Variants in JADE2 observed in about 807,000 individuals in gnomAD.
JADE2 encodes the protein jade family PHD finger 2, also known as E3 ubiquitin-protein ligase Jade-2.
JADE2 carries 13 observed loss-of-function variants against 85.7 expected under a neutral mutation model. The observed-to-expected ratio is 0.15, with a 90% CI of 0.10 to 0.24. JADE2 has a LOEUF of 0.24. JADE2 is among the 10% of genes least tolerant of loss of function. The pLI, the probability that JADE2 is intolerant of heterozygous loss-of-function variation, is 1.00. For synonymous variants in JADE2, 440 were observed against 456.1 expected, an observed-to-expected ratio of 0.96 and a Z score of 0.45; for missense variants, 846 against 1,115.9, an observed-to-expected ratio of 0.76 and a Z score of 3.45.
At position 134,578,069 on chromosome 5, in the gene JADE2, C is replaced by A. The variant is rs141955275; in HGVS notation, c.1682-425C>A. On this transcript the variant is annotated intron_variant, in intron 11 of 11. Coordinates refer to ENST00000681547, the MANE Select transcript of JADE2 (RefSeq NM_001388185.1). The surrounding 1 kb of genome is among the most constrained non-coding windows in gnomAD (Gnocchi z 4.4). ...TTCGTGGGTAGCAACCTGTGCAGTG[C>A]CACGGGGTCCTTGTTCTTGGTTAAT... 2.5e-3 allele frequency among the ~76,000 whole-genome samples: 378 copies of A among 152,318 alleles called. 1 individual carries two copies. The highest frequency in any genetic ancestry group is 8.6e-3 in the African/African-American group (357 of 41,582).
intron 8 of JADE2, among the ~76,000 whole-genome samples, chr5:134,565,025 G>C (rs185850876): frequency 6.6e-6 from 1 of 152,326 alleles, no homozygotes; most frequent in Non-Finnish European, 1.5e-5. Context: ...CTTTAGCAAA[G>C]CCTATTCCCA....
chr5:134,551,211 T>C (rs1407335203), intron 3 of JADE2, among the ~76,000 whole-genome samples: 2 of 71,560 alleles, frequency 2.8e-5, no homozygotes, highest in African/African-American at 7.7e-5. Context: ...CAGTATTTTT[T>C]ATTTTATTTT....
chr5:134,558,477 A>C (rs923953474), intron 4 of JADE2, among the ~76,000 whole-genome samples: 1 of 151,492 alleles, frequency 6.6e-6, no homozygotes, highest in Non-Finnish European at 1.5e-5. Flanking sequence ...CCTGAATGGT[A>C]ATGCCTAGGT....
At chr5:134,561,512 C>A (rs1281915748) in intron 6 of JADE2, among the ~76,000 whole-genome samples, 1 of 151,834 alleles carries the variant, frequency 6.6e-6, no homozygotes, top group Admixed American at 6.6e-5. Flanking sequence ...GCAGCCTGGC[C>A]AGGCTCCCCT....
chr5:134,538,048 G>A lies in JADE2; in HGVS notation c.118G>A (p.Gly40Ser). 1 of 1,614,158 alleles carries A rather than the reference G, an allele frequency of 6.2e-7. No homozygotes were observed. The highest frequency in any genetic ancestry group is 8.5e-7 in the Non-Finnish European group (1 of 1,180,018). ...CAAACTGCCCAGCAGCACCAAGTCGGGCTGGCCCCGACAGAACGAAAAGAA... is the reference window on the plus strand; with the variant it reads ...CAAACTGCCCAGCAGCACCAAGTCGAGCTGGCCCCGACAGAACGAAAAGAA... ...CSKLPSSTKSGWPRQNEKKPS... is the reference protein window; with the variant it reads ...CSKLPSSTKSSWPRQNEKKPS... Residue 40 changes from glycine (G) to serine (S), a missense_variant, in exon 3 of 12, where the codon GGC becomes AGC. This residue lies in a region of JADE2 where 44 missense variants were observed against 92.0 expected (regional missense o/e 0.48). Coordinates refer to ENST00000681547, the MANE Select transcript of JADE2 (RefSeq NM_001388185.1).
At chr5:134,560,640 C>A in intron 5 of JADE2, 106 bp from the exon 6 acceptor site, 1 of 946,540 alleles carries the variant, frequency 1.1e-6, no homozygotes, top group Middle Eastern at 3.4e-4. Flanking sequence ...AGAAACCCTC[C>A]CAGACATCTG....
intron 3 of JADE2, among the ~76,000 whole-genome samples, chr5:134,538,822 TTGGAGAGA>T (rs1303882792): frequency 5.3e-5 from 8 of 151,522 alleles, no homozygotes; most frequent in South Asian, 2.1e-4. Flanking sequence ...CTGCAGAAGC[TTGGAGAGA>T]TGGAGAGATG....
intron 4 of JADE2, among the ~76,000 whole-genome samples, chr5:134,555,781 G>A: frequency 6.6e-6 from 1 of 152,238 alleles, no homozygotes; most frequent in East Asian, 1.9e-4. Flanking sequence ...ATGGGGAAAG[G>A]CAGAATTGTG....
chr5:134,569,693 C>T (rs1763874036), intron 9 of JADE2, among the ~76,000 whole-genome samples: 1 of 152,158 alleles, frequency 6.6e-6, no homozygotes, highest in African/African-American at 2.4e-5. Context: ...AGACACACAC[C>T]TGCCCAGAGG....
At chr5:134,553,643 C>T (rs1561743492) in intron 4 of JADE2, among the ~76,000 whole-genome samples, 6 of 152,230 alleles carry the variant, frequency 3.9e-5, no homozygotes, top group Admixed American at 2.6e-4. Flanking sequence ...TGAGCCACTG[C>T]GCCCGGCCGT....
At chr5:134,536,040 T>C in intron 2 of JADE2, 125 bp downstream of exon 2, 1 of 833,520 alleles carries the variant, frequency 1.2e-6, no homozygotes, top group South Asian at 1.5e-5. Context: ...GATGAAAGCA[T>C]AAATCAAGTC....
At chr5:134,555,033 C>G (rs756689993) in intron 4 of JADE2, among the ~76,000 whole-genome samples, 2 of 152,188 alleles carry the variant, frequency 1.3e-5, no homozygotes, top group Non-Finnish European at 2.9e-5. Flanking sequence ...TCAAAGGCCC[C>G]GAGAACAAGC....
chr5:134,577,044 C>A, intron 11 of JADE2, 148 bp downstream of exon 11: 1 of 828,752 alleles, frequency 1.2e-6, no homozygotes, highest in Non-Finnish European at 1.8e-6. Context: ...CCCAGGTGCA[C>A]ACACCTTCCA....
At chr5:134,561,519 C>G (rs1330271508) in intron 6 of JADE2, among the ~76,000 whole-genome samples, 1 of 150,574 alleles carries the variant, frequency 6.6e-6, no homozygotes, top group Non-Finnish European at 1.5e-5. Flanking sequence ...GGCCAGGCTC[C>G]CCTTGGTTTG....
chr5:134,544,189 T>A (rs1306903357), intron 3 of JADE2, among the ~76,000 whole-genome samples: 3 of 152,144 alleles, frequency 2.0e-5, no homozygotes, highest in African/African-American at 7.2e-5. Context: ...GAGGCCTGGG[T>A]CTCTGGACCG....
chr5:134,573,777 C>T lies in JADE2; in HGVS notation c.1552+15C>T, dbSNP rs778647139. 2 of 1,454,232 alleles carry T rather than the reference C, an allele frequency of 1.4e-6. No individual in the cohort carries two copies. Among genetic ancestry groups the T allele is most frequent in the South Asian group, 2.3e-5 (2 of 88,130 alleles). 90.1% of individuals were successfully genotyped at this position (1,454,232 alleles called of 1,614,324 possible). A position where few individuals can be genotyped will look rare whatever the true frequency, so the allele number is the denominator to read the frequency against. ...TCTGTGTCGAGGTAGGCGCCTTCCC[C>T]ACCTGCCGCCGCCACCTCCCTGTGC... is the stretch of plus-strand genomic sequence containing the variant. On this transcript the variant is annotated intron_variant, in intron 10 of 11. Coordinates refer to ENST00000681547, the MANE Select transcript of JADE2 (RefSeq NM_001388185.1).
Position 134,579,259 on chromosome 5 carries a change from G to A in JADE2, c.2447G>A (p.Arg816Gln), listed in dbSNP as rs560524571. ...DVEAEDGGVQ[R>Q]GPREAGAEEV... ...GAGGCCGAGGACGGTGGGGTGCAGC[G>A]GGGTCCCCGGGAGGCAGGGGCAGAG... Residue 816 changes from arginine to glutamine, a missense_variant, in exon 12 of 12, where the codon CGG becomes CAG. Around this residue, in one of 9 missense-constraint regions of JADE2, gnomAD observed 300 missense variants for 300.7 expected, o/e 1.00. Transcript: ENST00000681547. This position sits in a 1 kb window ranked among gnomAD's most constrained non-coding sequence, Gnocchi z 4.6. 3.6e-5 allele frequency: 58 copies of A among 1,613,724 alleles called. No individual in the cohort carries two copies. In the Middle Eastern group the frequency reaches 8.2e-4, roughly 23 times the overall value.
upstream of JADE2, among the ~76,000 whole-genome samples, chr5:134,524,763 C>T (rs1165641731): frequency 2.6e-5 from 4 of 152,294 alleles, no homozygotes; most frequent in East Asian, 1.9e-4. Context: ...CCCCTCTTTT[C>T]TTGAGGTCGC....
intron 4 of JADE2, among the ~76,000 whole-genome samples, chr5:134,557,635 G>GT (rs1311626630): frequency 3.9e-5 from 4 of 102,274 alleles, no homozygotes; most frequent in East Asian, 2.7e-4. Context: ...GCGGTGTTTG[G>GT]TTTTTTGTTC....
Sources: gnomAD v4.1 joint callset for allele counts (sites outside exome capture counted in the v4.1 genomes callset) on GRCh38, gnomAD v4.1.1 for gene constraint, gnomAD v4.1.1 regional missense constraint, Gnocchi (gnomAD v3.1) non-coding constraint, MANE v1.5 for transcripts, NCBI Gene and HGNC (gene_info 2026-07-23, HGNC 2026-07-21) for gene names.